PATJ: variants seen among roughly 807,000 people sequenced by gnomAD.
The protein encoded by PATJ is PATJ crumbs cell polarity complex component.
Under a neutral mutation model 224.9 loss-of-function variants are expected in PATJ, and 190 were observed. The ratio of observed to expected loss-of-function variants is 0.84; its 90% CI spans 0.75 to 0.95. The LOEUF is 0.95. Among genes scored for constraint, PATJ ranks in the 40% least tolerant of loss-of-function variants. The pLI is 0.00. For missense variants in PATJ, 2,121 were observed against 2,270.3 expected (o/e 0.93, Z 1.34); for synonymous variants, 769 against 820.3 (o/e 0.94, Z 1.07).
chr1:61,993,759 A>G (rs1645198365), intron 28 of PATJ, among the ~76,000 whole-genome samples: 1 of 152,188 alleles, frequency 6.6e-6, no homozygotes, highest in South Asian at 2.1e-4. Context: ...TGTATTTCTG[A>G]TTATATCACA....
At chr1:62,069,527 C>G (rs556405739) in intron 31 of PATJ, among the ~76,000 whole-genome samples, 20 of 152,256 alleles carry the variant, frequency 1.3e-4, no homozygotes, top group Admixed American at 3.9e-4. Context: ...CATCCCTTGG[C>G]TCGGATGTTT....
chr1:62,157,844 A>G (rs982539772), intron 43 of PATJ, among the ~76,000 whole-genome samples: 1 of 131,652 alleles, frequency 7.6e-6, no homozygotes, highest in Non-Finnish European at 1.6e-5. Context: ...AAAAAAAAAA[A>G]AAAAAAAAAA....
intron 30 of PATJ, among the ~76,000 whole-genome samples, chr1:62,042,551 G>C (rs951173283): frequency 6.6e-6 from 1 of 151,982 alleles, no homozygotes; most frequent in African/African-American, 2.4e-5. Flanking sequence ...TATTAAATTG[G>C]ACCTGATAAT....
intron 1 of PATJ, among the ~76,000 whole-genome samples, chr1:61,758,740 C>G (rs182321102): frequency 2.0e-5 from 3 of 151,666 alleles, no homozygotes; most frequent in East Asian, 1.9e-4. Flanking sequence ...CTAAAGAAAG[C>G]CTTTTCTGTT....
intron 31 of PATJ, among the ~76,000 whole-genome samples, chr1:62,068,252 A>G (rs928231290): frequency 6.6e-6 from 1 of 152,216 alleles, no homozygotes; most frequent in Non-Finnish European, 1.5e-5. Flanking sequence ...GTTGCAAGTG[A>G]CAGAATCTCA....
chr1:61,751,155 T>C (rs1012983332), intron 1 of PATJ, among the ~76,000 whole-genome samples: 1 of 151,878 alleles, frequency 6.6e-6, no homozygotes, highest in Admixed American at 6.6e-5. Context: ...GTGTGCACAA[T>C]GACACCTGGC....
At chr1:62,048,757 G>T (rs11590954) in intron 30 of PATJ, among the ~76,000 whole-genome samples, 51,455 of 151,752 alleles carry the variant, frequency 0.34, 9,617 homozygotes, top group Middle Eastern at 0.49. Flanking sequence ...TTACAGGTGA[G>T]CATCCCAAAT....
intron 39 of PATJ, among the ~76,000 whole-genome samples, chr1:62,125,839 G>T (rs149855902): frequency 6.6e-6 from 1 of 151,746 alleles, no homozygotes; most frequent in Admixed American, 6.6e-5. Context: ...GTGCAATCTC[G>T]GCTCACTGAA....
At chr1:61,767,035 G>A (rs182634059) in intron 4 of PATJ, among the ~76,000 whole-genome samples, 68 of 152,274 alleles carry the variant, frequency 4.5e-4, no homozygotes, top group African/African-American at 1.6e-3. Context: ...GGAGGTTGCA[G>A]TGAGCCGAGA....
chr1:61,780,296 G>A (rs577219322), intron 7 of PATJ, among the ~76,000 whole-genome samples: 3 of 151,778 alleles, frequency 2.0e-5, no homozygotes, highest in Non-Finnish European at 2.9e-5. Flanking sequence ...AAACCCCGTC[G>A]CTACTAAAAA....
chr1:61,759,676 G>A (rs1645853854), intron 1 of PATJ, among the ~76,000 whole-genome samples: 1 of 152,196 alleles, frequency 6.6e-6, no homozygotes. Context: ...CCAAAGTGGT[G>A]GGATTACTGG....
intron 22 of PATJ, 108 bp from the exon 23 acceptor site, chr1:61,899,475 A>G: frequency 1.6e-6 from 1 of 609,624 alleles, no homozygotes; most frequent in Admixed American, 2.9e-5. Context: ...TTAAAAATTG[A>G]GAATCATTTA....
chr1:62,065,258 G>C (rs551841876), intron 31 of PATJ, among the ~76,000 whole-genome samples: 4 of 152,110 alleles, frequency 2.6e-5, no homozygotes, highest in Admixed American at 6.6e-5. Flanking sequence ...GGGTAACAGA[G>C]CAAGTAACCT....
chr1:61,941,598 C>T (rs1273321455), intron 27 of PATJ, among the ~76,000 whole-genome samples: 1 of 152,140 alleles, frequency 6.6e-6, no homozygotes, highest in African/African-American at 2.4e-5. Flanking sequence ...TTGCAGTGAG[C>T]ACAGATCATG....
intron 8 of PATJ, 142 bp from the exon 9 acceptor site, chr1:61,791,206 G>A: frequency 2.0e-6 from 1 of 506,214 alleles, no homozygotes; most frequent in Non-Finnish European, 3.5e-6. Flanking sequence ...AGTAGCACCA[G>A]GAATTGAAGG....
chr1:62,056,532 A>C (rs887985587), intron 31 of PATJ, among the ~76,000 whole-genome samples: 2 of 152,046 alleles, frequency 1.3e-5, no homozygotes, highest in African/African-American at 2.4e-5. Flanking sequence ...TATCTCAAAA[A>C]AAAAAGTTGT....
chr1:61,888,254 G>A (rs1669151353), intron 22 of PATJ, among the ~76,000 whole-genome samples: 1 of 151,990 alleles, frequency 6.6e-6, no homozygotes, highest in African/African-American at 2.4e-5. Context: ...ATATTTTATG[G>A]CTTTTTATTT....
intron 1 of PATJ, among the ~76,000 whole-genome samples, chr1:61,745,536 A>G (rs1253975900): frequency 6.6e-6 from 1 of 151,712 alleles, no homozygotes; most frequent in Non-Finnish European, 1.5e-5. Context: ...GGCCTCCCAA[A>G]GTGCTGGGAT....
chr1:61,775,418 C>A, intron 7 of PATJ, 84 bp downstream of exon 7: 2 of 1,197,706 alleles, frequency 1.7e-6, no homozygotes, highest in Non-Finnish European at 1.2e-6. Context: ...ACATGAGTTA[C>A]CAGGATATAT....
Sources: allele counts gnomAD v4.1 joint callset (sites outside exome capture counted in the v4.1 genomes callset), GRCh38; gene constraint gnomAD v4.1.1; transcripts MANE v1.5; gene names NCBI Gene and HGNC (gene_info 2026-07-23, HGNC 2026-07-21).